The following PPP1R14C variants were observed in gnomAD, a reference collection of about 807,000 sequenced individuals.
PPP1R14C encodes protein phosphatase 1 regulatory subunit 14C.
A neutral mutation model predicts 20.4 loss-of-function variants in PPP1R14C; 16 were observed. The observed-to-expected ratio is 0.78, with a 90% CI of 0.53 to 1.19. The LOEUF is 1.19. PPP1R14C is among the 50% of genes most tolerant of loss of function. The probability of loss-of-function intolerance (pLI) is 0.00; values close to 1 mark genes in which losing one functional copy is unlikely to be tolerated. For missense variants in PPP1R14C, 211 were observed against 220.1 expected (o/e 0.96, Z 0.26); for synonymous variants, 91 against 91.0 (o/e 1.00, Z 0.00).
chr6:150,167,991 T>TCCCCTTCTC (rs1313491667), intron 1 of PPP1R14C, among the ~76,000 whole-genome samples: 1 of 80,034 alleles, frequency 1.2e-5, no homozygotes, highest in Non-Finnish European at 2.4e-5. Flanking sequence ...TCCTCCCCTC[T>TCCCCTTCTC]TCCTCTCCCC....
chr6:150,177,037 C>T (rs1777570396), intron 1 of PPP1R14C, among the ~76,000 whole-genome samples: 1 of 152,238 alleles, frequency 6.6e-6, no homozygotes. Flanking sequence ...CTTCCCCATA[C>T]CAGAAATCCT....
chr6:150,207,728 T>G (rs1442019696), intron 1 of PPP1R14C, among the ~76,000 whole-genome samples: 2 of 152,254 alleles, frequency 1.3e-5, no homozygotes. Context: ...GTTCATTTTC[T>G]GTTGCTGTGA....
chr6:150,195,117 G>A (rs1448277498), intron 1 of PPP1R14C: 2 of 983,438 alleles, frequency 2.0e-6, no homozygotes, highest in Admixed American at 6.2e-5. Flanking sequence ...CAATTATGTG[G>A]GTTACTCTTA....
intron 1 of PPP1R14C, among the ~76,000 whole-genome samples, chr6:150,160,538 G>T (rs2114858907): frequency 6.6e-6 from 1 of 151,908 alleles, no homozygotes; most frequent in African/African-American, 2.4e-5. Context: ...CTCCCAAAGT[G>T]CTGGGATTAC....
At chr6:150,194,407 C>G (rs1777779632) in intron 1 of PPP1R14C, 1 of 976,130 alleles carries the variant, frequency 1.0e-6, no homozygotes, top group Admixed American at 6.2e-5. Flanking sequence ...TTTGTTTTGT[C>G]TCTTGAGAGT....
At chr6:150,222,579 C>T (rs1298494790) in intron 3 of PPP1R14C, among the ~76,000 whole-genome samples, 13 of 152,242 alleles carry the variant, frequency 8.5e-5, no homozygotes, top group African/African-American at 2.4e-4. Context: ...TGTCACTGCC[C>T]TAACAATCCT....
intron 1 of PPP1R14C, among the ~76,000 whole-genome samples, chr6:150,189,436 A>G (rs75637390): frequency 6.6e-6 from 1 of 152,118 alleles, no homozygotes. Flanking sequence ...CTTGCTCTAC[A>G]TTCTAGTCCC....
At chr6:150,174,965 C>CAAA (rs34296938) in intron 1 of PPP1R14C, among the ~76,000 whole-genome samples, 1 of 120,862 alleles carries the variant, frequency 8.3e-6, no homozygotes. Flanking sequence ...GATTCTGTCT[C>CAAA]AAAAAAAAAA....
intron 3 of PPP1R14C, among the ~76,000 whole-genome samples, chr6:150,223,531 G>T (rs1778194298): frequency 1.3e-5 from 2 of 152,284 alleles, no homozygotes; most frequent in African/African-American, 4.8e-5. Flanking sequence ...TCTGGATTTG[G>T]ACCATTCTAA....
At chr6:150,170,564 C>T (rs943267693) in intron 1 of PPP1R14C, among the ~76,000 whole-genome samples, 7 of 152,034 alleles carry the variant, frequency 4.6e-5, no homozygotes, top group East Asian at 3.9e-4. Flanking sequence ...CCTCGTGATC[C>T]GCCCGCCTCG....
At position 150,194,717 on chromosome 6, in the gene PPP1R14C, T is replaced by C. The variant is rs572101706; in HGVS notation, c.307-20027T>C. ...TGATAAAATGATTTGCTTGTTCAGCTATAAAACGTAAAAGAGGCTCTTATA... is the reference window on the plus strand; with the variant it reads ...TGATAAAATGATTTGCTTGTTCAGCCATAAAACGTAAAAGAGGCTCTTATA... On this transcript the variant is annotated intron_variant, in intron 1 of 3. Coordinates refer to ENST00000361131, the MANE Select transcript of PPP1R14C (RefSeq NM_030949.3). 1.1e-5 allele frequency: 11 copies of C among 985,456 alleles called. No homozygotes were observed. In the East Asian group the frequency reaches 1.1e-3, roughly 102 times the overall value. The allele number at this position is 985,456 out of a possible 1,614,324, so 61.0% of individuals were successfully genotyped here.
intron 1 of PPP1R14C, among the ~76,000 whole-genome samples, chr6:150,205,132 GA>G (rs770997563): frequency 4.6e-5 from 7 of 152,064 alleles, no homozygotes; most frequent in Non-Finnish European, 8.8e-5. Context: ...GGGTGCCAGT[GA>G]TACTGGCAAC....
chr6:150,143,150 C>T lies in PPP1R14C; in HGVS notation c.-43C>T, dbSNP rs1777134067. On this transcript the variant is annotated 5_prime_UTR_variant, in exon 1 of 4. Transcript: ENST00000361131. The surrounding 1 kb of genome is among the most constrained non-coding windows in gnomAD (Gnocchi z 5.6). ...GTAGCGGCGCCGGGCGCGCTCCGCC[C>T]GCCCCTCCTCCGGGCCGCACTGAGG... 1 of 1,207,754 alleles carries T rather than the reference C, an allele frequency of 8.3e-7. No individual in the cohort carries two copies. The highest frequency in any genetic ancestry group is 1.0e-6 in the Non-Finnish European group (1 of 975,274). The allele number at this position is 1,207,754 out of a possible 1,614,324, so 74.8% of individuals were successfully genotyped here. A position where few individuals can be genotyped will look rare whatever the true frequency, so the allele number is the denominator to read the frequency against.
chr6:150,248,826 G>A lies in PPP1R14C; in HGVS notation c.*6G>A. ...CGCAGAAGAAGAGTGTATGATTCTG[G>A]AACAGGGTGAAACTCTCCCAGAGAC... On this transcript the variant is annotated 3_prime_UTR_variant, in exon 4 of 4. Transcript: ENST00000361131. The A allele has an allele frequency of 6.3e-7, 1 of 1,599,052 alleles. No individual in the cohort carries two copies. The highest frequency in any genetic ancestry group is 1.1e-5 in the South Asian group (1 of 90,418).
At chr6:150,146,341 G>C (rs1777180265) in intron 1 of PPP1R14C, among the ~76,000 whole-genome samples, 1 of 152,208 alleles carries the variant, frequency 6.6e-6, no homozygotes, top group Non-Finnish European at 1.5e-5. Context: ...CCGTGCAAGA[G>C]AGCAAATGTA....
chr6:150,163,571 G>GC (rs1418841723), intron 1 of PPP1R14C, among the ~76,000 whole-genome samples: 2 of 152,036 alleles, frequency 1.3e-5, no homozygotes. Flanking sequence ...CCCATTATCA[G>GC]CCCCCTTCCC....
intron 1 of PPP1R14C, among the ~76,000 whole-genome samples, chr6:150,180,553 C>A (rs1349985126): frequency 1.3e-5 from 2 of 152,228 alleles, no homozygotes; most frequent in Non-Finnish European, 2.9e-5. Context: ...AGGAACTCTG[C>A]ACATGTGGGT....
intron 1 of PPP1R14C, among the ~76,000 whole-genome samples, chr6:150,188,094 G>T (rs1045975608): frequency 2.0e-5 from 3 of 152,148 alleles, no homozygotes; most frequent in Non-Finnish European, 4.4e-5. Context: ...TTGGAGAAAG[G>T]TCTGTTTATT....
chr6:150,162,474 C>A (rs114231192), intron 1 of PPP1R14C, among the ~76,000 whole-genome samples: 126 of 152,328 alleles, frequency 8.3e-4, no homozygotes, highest in African/African-American at 2.9e-3. Context: ...TAACTTCTTT[C>A]ACTACACAAT....
Sources: allele counts gnomAD v4.1 joint callset (sites outside exome capture counted in the v4.1 genomes callset), GRCh38; gene constraint gnomAD v4.1.1; non-coding constraint Gnocchi (gnomAD v3.1); transcripts MANE v1.5; gene names NCBI Gene and HGNC (gene_info 2026-07-23, HGNC 2026-07-21).